ANKS1B: variants seen among roughly 807,000 people sequenced by gnomAD.
The protein encoded by ANKS1B is ankyrin repeat and sterile alpha motif domain containing 1B, also known as ankyrin repeat and sterile alpha motif domain-containing protein 1B.
A neutral mutation model predicts 148.3 loss-of-function variants in ANKS1B; 36 were observed. The observed-to-expected ratio is 0.24, with a 90% CI of 0.19 to 0.32. The LOEUF (loss-of-function observed/expected upper bound fraction) is 0.32. ANKS1B is among the 10% of genes least tolerant of loss of function. ANKS1B has a pLI of 1.00. For synonymous variants in ANKS1B, 542 were observed against 560.8 expected (o/e 0.97, Z 0.47); for missense variants, 1,157 against 1,542.6 (o/e 0.75, Z 4.19).
rs118129312 is a variant in ANKS1B at position 99,084,585 on chromosome 12, G to T, written c.2625+340C>A. Among the ~76,000 whole-genome samples, 70 of 152,246 alleles carry T rather than the reference G, an allele frequency of 4.6e-4. No individual in the cohort carries two copies. The East Asian group carries it at 0.012, about 25-fold the overall frequency. On this transcript the variant is annotated intron_variant, in intron 16 of 26. Transcript: ENST00000683438. ...ACACAAAAATTAGCCAGGCATGGTG[G>T]TGTGTACCCATAACCCCAGCTACTC...
chr12:99,959,268 G>A (rs1211810334), intron 1 of ANKS1B, among the ~76,000 whole-genome samples: 6 of 136,618 alleles, frequency 4.4e-5, no homozygotes, highest in African/African-American at 8.2e-5. Flanking sequence ...CAGTAGAGAC[G>A]GAGTTTCACC....
At chr12:99,767,961 C>G (rs1271000121) in intron 8 of ANKS1B, among the ~76,000 whole-genome samples, 1 of 152,034 alleles carries the variant, frequency 6.6e-6, no homozygotes, top group Non-Finnish European at 1.5e-5. Context: ...AAAGTTCTTA[C>G]ATAAGATGGC....
chr12:99,638,950 T>C (rs2098272291), intron 9 of ANKS1B, among the ~76,000 whole-genome samples: 1 of 152,006 alleles, frequency 6.6e-6, no homozygotes, highest in Non-Finnish European at 1.5e-5. Context: ...GGCTTCCATG[T>C]GGTGTTGGTC....
At chr12:99,069,556 G>A (rs1010054276) in intron 16 of ANKS1B, among the ~76,000 whole-genome samples, 1 of 152,180 alleles carries the variant, frequency 6.6e-6, no homozygotes, top group Non-Finnish European at 1.5e-5. Context: ...TCAGGACTCT[G>A]TGATTCATAA....
intron 17 of ANKS1B, among the ~76,000 whole-genome samples, chr12:98,898,727 C>T (rs1458401698): frequency 6.6e-6 from 1 of 152,076 alleles, no homozygotes; most frequent in Non-Finnish European, 1.5e-5. Context: ...AGCTCATGTT[C>T]ATTTATGTGG....
chr12:98,881,839 T>G (rs1330802012), intron 17 of ANKS1B, among the ~76,000 whole-genome samples: 1 of 152,138 alleles, frequency 6.6e-6, no homozygotes, highest in Non-Finnish European at 1.5e-5. Context: ...AGTCTAATAA[T>G]GATCTAGATT....
intron 9 of ANKS1B, among the ~76,000 whole-genome samples, chr12:99,613,350 TGGG>T (rs2097918190): frequency 6.6e-6 from 1 of 152,130 alleles, no homozygotes; most frequent in Non-Finnish European, 1.5e-5. Flanking sequence ...ATCCCATTGC[TGGG>T]TATATATCCA....
intron 1 of ANKS1B, among the ~76,000 whole-genome samples, chr12:99,838,340 GT>G (rs1366203254): frequency 6.6e-6 from 1 of 152,152 alleles, no homozygotes; most frequent in East Asian, 1.9e-4. Flanking sequence ...TTTCCATGAA[GT>G]TTTCCAAAGA....
intron 9 of ANKS1B, among the ~76,000 whole-genome samples, chr12:99,600,506 G>C (rs2097791997): frequency 2.0e-5 from 3 of 152,006 alleles, no homozygotes; most frequent in Non-Finnish European, 4.4e-5. Flanking sequence ...CAGTGACTGA[G>C]AAAAGCTACA....
At chr12:99,776,803 C>G (rs1003649113) in intron 6 of ANKS1B, among the ~76,000 whole-genome samples, 22 of 152,076 alleles carry the variant, frequency 1.4e-4, no homozygotes, top group African/African-American at 4.8e-5. Flanking sequence ...CCTCAGCCCC[C>G]CAAGCTAGCT....
At chr12:99,801,051 T>A (rs189774071) in intron 4 of ANKS1B, among the ~76,000 whole-genome samples, 30 of 152,278 alleles carry the variant, frequency 2.0e-4, no homozygotes, top group African/African-American at 7.0e-4. Context: ...CTCTTTGCCG[T>A]ATGACTTTGT....
chr12:99,337,242 G>A (rs182291002), intron 12 of ANKS1B, among the ~76,000 whole-genome samples: 96 of 151,648 alleles, frequency 6.3e-4, no homozygotes, highest in South Asian at 1.0e-3. Context: ...CTTCAAGCTC[G>A]GTTATTCTTT....
chr12:99,598,266 G>T (rs189247085), intron 9 of ANKS1B, among the ~76,000 whole-genome samples: 50 of 152,210 alleles, frequency 3.3e-4, no homozygotes, highest in African/African-American at 1.1e-3. Flanking sequence ...GGTATTACAA[G>T]AATTCCTCCT....
intron 17 of ANKS1B, among the ~76,000 whole-genome samples, chr12:98,930,162 A>G (rs2099812466): frequency 6.6e-6 from 1 of 152,158 alleles, no homozygotes; most frequent in Non-Finnish European, 1.5e-5. Context: ...ATATATGCAA[A>G]TAACCAATAA....
intron 2 of ANKS1B, among the ~76,000 whole-genome samples, chr12:99,819,020 T>C (rs2082197069): frequency 6.6e-6 from 1 of 151,856 alleles, no homozygotes. Flanking sequence ...TACCATCCTC[T>C]CTTGCTTGTT....
intron 9 of ANKS1B, among the ~76,000 whole-genome samples, chr12:99,513,258 A>G (rs973454504): frequency 6.6e-6 from 1 of 152,018 alleles, no homozygotes; most frequent in Non-Finnish European, 1.5e-5. Context: ...GCTATTGCAC[A>G]CTTCATAAAC....
chr12:98,944,069 G>A (rs11611649), intron 17 of ANKS1B, among the ~76,000 whole-genome samples: 13 of 152,104 alleles, frequency 8.5e-5, no homozygotes, highest in African/African-American at 2.9e-4. Context: ...GGAGGCCGAG[G>A]CGGTTGGAAC....
chr12:99,636,994 A>G (rs1352955375), intron 9 of ANKS1B, among the ~76,000 whole-genome samples: 1 of 152,176 alleles, frequency 6.6e-6, no homozygotes, highest in African/African-American at 2.4e-5. Flanking sequence ...TAATCAGGAA[A>G]ATGTGACTTC....
At chr12:98,994,550 C>T (rs1189541437) in intron 17 of ANKS1B, among the ~76,000 whole-genome samples, 3 of 152,100 alleles carry the variant, frequency 2.0e-5, no homozygotes, top group Admixed American at 6.5e-5. Context: ...ACCCAGGAGG[C>T]GGAGGTTGCA....
Sources: gnomAD v4.1 joint callset for allele counts (sites outside exome capture counted in the v4.1 genomes callset) on GRCh38, gnomAD v4.1.1 for gene constraint, MANE v1.5 for transcripts, NCBI Gene and HGNC (gene_info 2026-07-23, HGNC 2026-07-21) for gene names.